The following CKAP2L variants were observed in gnomAD, a reference collection of about 807,000 sequenced individuals.
CKAP2L encodes the protein cytoskeleton-associated protein 2-like.
CKAP2L carries 42 observed loss-of-function variants against 65.7 expected under a neutral mutation model. The ratio of observed to expected loss-of-function variants is 0.64; its 90% CI spans 0.50 to 0.83. The LOEUF (loss-of-function observed/expected upper bound fraction) is 0.83. Ranked by LOEUF, CKAP2L falls within the 40% of genes least tolerant of loss-of-function variation. The pLI is 0.00. For missense variants in CKAP2L, 908 were observed against 871.0 expected (o/e 1.04, Z -0.53); for synonymous variants, 325 against 313.5 (o/e 1.04, Z -0.39).
chr2:112,742,857 A>G (rs1680062433), intron 6 of CKAP2L, 88 bp from the exon 7 acceptor site: 1 of 829,332 alleles, frequency 1.2e-6, no homozygotes. Flanking sequence ...TACATGTTTT[A>G]TAATAAAAGT....
In CKAP2L at chr2:112,737,331, C is replaced by G. The variant is rs1679346882; in HGVS notation, c.*1492G>C. On this transcript the variant is annotated 3_prime_UTR_variant, in exon 9 of 9. Transcript: ENST00000302450. Reference sequence around the variant, plus strand: ...CGTTTTCCATAACGGCTGCCCCAGTCTACACGCCCACAAACAGTGTACTAG... The same window carrying G: ...CGTTTTCCATAACGGCTGCCCCAGTGTACACGCCCACAAACAGTGTACTAG... 6.6e-6 allele frequency: 1 copy of G among 152,188 alleles called. No homozygotes were observed. The highest frequency in any genetic ancestry group is 2.1e-4 in the South Asian group (1 of 4,834). The allele number at this position is 152,188 out of a possible 1,614,324, so 9.4% of individuals were successfully genotyped here.
rs1173914516 is a variant in CKAP2L at position 112,752,631 on chromosome 2, G to T, written c.1395-157C>A. ...AAAAAACAATTTACAAATGGGTAATGGCAGCATTGGGTTGCGCCCACCCAC... is the reference window on the plus strand; with the variant it reads ...AAAAAACAATTTACAAATGGGTAATTGCAGCATTGGGTTGCGCCCACCCAC... On this transcript the variant is annotated intron_variant, in intron 4 of 8. Transcript: ENST00000302450. 2.0e-5 allele frequency among the ~76,000 whole-genome samples: 3 copies of T among 152,138 alleles called. No homozygotes were observed. The East Asian group carries it at 5.8e-4, about 29-fold the overall frequency.
chr2:112,736,896 G>A lies in CKAP2L; in HGVS notation c.*1927C>T, dbSNP rs984282078. On this transcript the variant is annotated 3_prime_UTR_variant, in exon 9 of 9. Transcript: ENST00000302450. ...TTGAGAATAACACTGCCACAAACATGTGAGTGCAGATATCTTTATGAGGTG... is the reference window on the plus strand; with the variant it reads ...TTGAGAATAACACTGCCACAAACATATGAGTGCAGATATCTTTATGAGGTG... 6.6e-6 allele frequency: 1 copy of A among 152,026 alleles called. No homozygotes were observed. Among genetic ancestry groups the A allele is most frequent in the African/African-American group, 2.4e-5 (1 of 41,368 alleles). The allele number at this position is 152,026 out of a possible 1,614,324, so 9.4% of individuals were successfully genotyped here. A position where few individuals can be genotyped will look rare whatever the true frequency, so the allele number is the denominator to read the frequency against.
At chr2:112,752,978 A>G (rs1680421561) in intron 4 of CKAP2L, among the ~76,000 whole-genome samples, 1 of 152,248 alleles carries the variant, frequency 6.6e-6, no homozygotes, top group African/African-American at 2.4e-5. Context: ...AGCTAGACCT[A>G]TAAAGTCAGG....
chr2:112,757,241 A>T (rs1247926313), intron 3 of CKAP2L, 27 bp from the exon 4 acceptor site: 14 of 1,465,940 alleles, frequency 9.6e-6, no homozygotes, highest in Non-Finnish European at 1.0e-5. Context: ...AATACATATT[A>T]AAAAATCCTT....
At position 112,757,162 on chromosome 2, in the gene CKAP2L, G is replaced by T; in HGVS notation, c.209C>A (p.Pro70His). The T allele has an allele frequency of 6.2e-7, 1 of 1,613,364 alleles. No homozygotes were observed. The highest frequency in any genetic ancestry group is 8.5e-7 in the Non-Finnish European group (1 of 1,179,638). ...VTNHVVLPVK[P>H]KRSISIKLQP... ...GAGTTTAATGCTGATGGACCTTTTA[G>T]GTTTGACAGGCAAAACAACATGGTT... Residue 70 changes from proline (P) to histidine (H), a missense_variant, in exon 4 of 9, where the codon CCT becomes CAT. Physicochemically the swap from Pro to His is moderately conservative, Grantham distance 77. Coordinates refer to ENST00000302450, the MANE Select transcript of CKAP2L (RefSeq NM_152515.5).
At chr2:112,754,724 G>T (rs145627517) in intron 4 of CKAP2L, among the ~76,000 whole-genome samples, 1 of 152,122 alleles carries the variant, frequency 6.6e-6, no homozygotes, top group Admixed American at 6.5e-5. Context: ...AATCAAACAT[G>T]TTCAACCTGC....
Position 112,757,000 on chromosome 2 carries a change from C to T in CKAP2L, c.371G>A (p.Cys124Tyr). ...SKPSSKSFQQ[C>Y]EAGSSTTGEL... The stretch of plus-strand genomic sequence containing the variant: ...TCCTGTTGTGGACGATCCAGCTTCA[C>T]ACTGTTGAAAACTCTTGCTAGAAGG... Residue 124 changes from cysteine (C) to tyrosine (Y), a missense_variant, in exon 4 of 9, where the codon TGT (cysteine) becomes TAT (tyrosine). By Grantham distance (194) the Cys-to-Tyr change is radical (BLOSUM62 -2). Coordinates refer to ENST00000302450, the MANE Select transcript of CKAP2L (RefSeq NM_152515.5). 1 of 1,614,202 alleles carries T rather than the reference C, an allele frequency of 6.2e-7. No individual in the cohort carries two copies. The highest frequency in any genetic ancestry group is 2.2e-5 in the East Asian group (1 of 44,890).
intron 8 of CKAP2L, 50 bp from the exon 9 acceptor site, chr2:112,739,098 ATCTT>A: frequency 2.2e-6 from 3 of 1,373,512 alleles, no homozygotes; most frequent in Non-Finnish European, 3.0e-6. Context: ...TAAAAAAATT[ATCTT>A]TATTATTTTT....
At position 112,738,666 on chromosome 2, in the gene CKAP2L, G is replaced by T; in HGVS notation, c.*157C>A. ...TAAAGCAAAGATTTTCCCATGGGGA[G>T]AGAAAATTTGAGAGTAAGCCCAGTG... On this transcript the variant is annotated 3_prime_UTR_variant, in exon 9 of 9. Coordinates refer to ENST00000302450, the MANE Select transcript of CKAP2L (RefSeq NM_152515.5). 1 of 613,104 alleles carries T rather than the reference G, an allele frequency of 1.6e-6. No homozygotes were observed. The highest frequency in any genetic ancestry group is 2.9e-6 in the Non-Finnish European group (1 of 346,104). The allele number at this position is 613,104 out of a possible 1,614,324, so 38.0% of individuals were successfully genotyped here. A position where few individuals can be genotyped will look rare whatever the true frequency, so the allele number is the denominator to read the frequency against.
At chr2:112,742,201 G>A (rs1213332958) in intron 7 of CKAP2L, among the ~76,000 whole-genome samples, 1 of 151,996 alleles carries the variant, frequency 6.6e-6, no homozygotes, top group Admixed American at 6.6e-5. Context: ...AACAAGTATC[G>A]TAAGCAATTA....
intron 7 of CKAP2L, among the ~76,000 whole-genome samples, chr2:112,741,218 C>T (rs1250734892): frequency 1.3e-5 from 2 of 152,178 alleles, no homozygotes; most frequent in African/African-American, 2.4e-5. Flanking sequence ...AGGCTACCCT[C>T]GTAGCCAGCC....
chr2:112,759,099 T>G (rs1040949756), intron 3 of CKAP2L, among the ~76,000 whole-genome samples: 1 of 152,236 alleles, frequency 6.6e-6, no homozygotes, highest in African/African-American at 2.4e-5. Context: ...TTTTTAAAAT[T>G]AACTTTTTTA....
intron 8 of CKAP2L, among the ~76,000 whole-genome samples, chr2:112,740,181 T>C (rs552193732): frequency 6.6e-6 from 1 of 152,224 alleles, no homozygotes; most frequent in Admixed American, 6.5e-5. Context: ...CATCCTCTTA[T>C]GAGCTGACTG....
chr2:112,749,384 T>C (rs777587939), intron 5 of CKAP2L, among the ~76,000 whole-genome samples: 1 of 152,234 alleles, frequency 6.6e-6, no homozygotes, highest in African/African-American at 2.4e-5. Context: ...AGAGAAATTG[T>C]CAATGATTAA....
rs375139844 is a variant in CKAP2L, at chr2:112,762,500, C to G, written c.104+3G>C. On this transcript the variant is annotated splice_donor_region_variant and intron_variant, in intron 2 of 8. Transcript: ENST00000302450. ...TTGCGTAACTGTGGACAGATAAACT[C>G]ACTTGGTGTTTTGGCTCTTCAGTTT... is the stretch of plus-strand genomic sequence containing the variant. 1.3e-4 allele frequency: 206 copies of G among 1,612,552 alleles called. No homozygotes were observed. Among genetic ancestry groups the G allele is most frequent in the Non-Finnish European group, 1.7e-4 (204 of 1,178,628 alleles).
intron 4 of CKAP2L, 34 bp downstream of exon 4, chr2:112,755,943 T>C (rs767202482): frequency 6.6e-7 from 1 of 1,521,284 alleles, no homozygotes; most frequent in Non-Finnish European, 8.8e-7. Flanking sequence ...CTAATCATCT[T>C]AAGTTGCAAA....
At chr2:112,762,464 G>A (rs1285824327) in intron 2 of CKAP2L, 39 bp downstream of exon 2, 6 of 1,522,076 alleles carry the variant, frequency 3.9e-6, no homozygotes, top group Non-Finnish European at 2.7e-6. Flanking sequence ...GTACAAAGAA[G>A]GCAACAAAAC....
Position 112,738,497 on chromosome 2 carries a change from T to C in CKAP2L, c.*326A>G, listed in dbSNP as rs1679545276. The C allele has an allele frequency of 4.1e-6, 1 of 246,526 alleles. No individual in the cohort carries two copies. Among genetic ancestry groups the C allele is most frequent in the African/African-American group, 2.3e-5 (1 of 43,622 alleles). 15.3% of individuals were successfully genotyped at this position (246,526 alleles called of 1,614,324 possible). Reference sequence around the variant, plus strand: ...CAGAAAGAAAAGTCCCATTATATTGTGGGACCAACCTTCTGATATAAAAAA... The same window carrying C: ...CAGAAAGAAAAGTCCCATTATATTGCGGGACCAACCTTCTGATATAAAAAA... On this transcript the variant is annotated 3_prime_UTR_variant, in exon 9 of 9. Transcript: ENST00000302450.
Sources: allele counts gnomAD v4.1 joint callset (sites outside exome capture counted in the v4.1 genomes callset), GRCh38; gene constraint gnomAD v4.1.1; transcripts MANE v1.5; gene names NCBI Gene and HGNC (gene_info 2026-07-23, HGNC 2026-07-21).